Variants in FGF13 observed in about 807,000 individuals in gnomAD.
The protein encoded by FGF13 is fibroblast growth factor 13.
A neutral mutation model predicts 19.5 loss-of-function variants in FGF13; 2 were observed. That is an observed-to-expected ratio of 0.10 (90% CI 0.04 to 0.32). The LOEUF is 0.32. Ranked by LOEUF, FGF13 falls within the 10% of genes least tolerant of loss-of-function variation. FGF13 has a pLI of 1.00. For missense variants in FGF13, 113 were observed against 192.7 expected (o/e 0.59, Z 2.45); for synonymous variants, 72 against 76.9 (o/e 0.94, Z 0.33).
At chrX:138,800,300 C>T (rs2090817750) in intron 3 of FGF13, among the ~76,000 whole-genome samples, 1 of 111,814 alleles carries the variant, frequency 8.9e-6, no homozygotes, top group South Asian at 3.8e-4. Context: ...ATTTGCTTGT[C>T]TGTAAAGGAT....
Position 138,735,944 on chromosome X carries a change from C to T in FGF13, c.28+3298G>A, listed in dbSNP as rs183093496. ...TACTGCATATCCCATGTGGATTTCA[C>T]GTGGGATTTGATTTACATATAATTT... On this transcript the variant is annotated intron_variant, in intron 1 of 4. Transcript: ENST00000305414. 8.9e-5 allele frequency among the ~76,000 whole-genome samples: 10 copies of T among 112,348 alleles called. No individual in the cohort carries two copies. The East Asian group carries it at 2.3e-3, about 25-fold the overall frequency.
chrX:139,067,599 G>A (rs1314806238), intron 1 of FGF13, among the ~76,000 whole-genome samples: 1 of 111,816 alleles, frequency 8.9e-6, no homozygotes, highest in African/African-American at 3.3e-5. Context: ...CCTCTTCAGG[G>A]AGAACTACAA....
At chrX:138,874,468 TTAAC>T (rs1353393059) in intron 1 of FGF13, among the ~76,000 whole-genome samples, 1 of 111,412 alleles carries the variant, frequency 9.0e-6, no homozygotes, top group African/African-American at 3.3e-5. Context: ...TAACACCTGT[TTAAC>T]TGACAGCCTC....
At chrX:138,876,935 A>C (rs1462309413) in intron 1 of FGF13, among the ~76,000 whole-genome samples, 1 of 112,816 alleles carries the variant, frequency 8.9e-6, no homozygotes, top group African/African-American at 3.2e-5. Context: ...ATAGAATCTA[A>C]GTAAAGCAAA....
intron 3 of FGF13, among the ~76,000 whole-genome samples, chrX:138,664,455 T>G (rs1395206271): frequency 1.4e-4 from 16 of 111,023 alleles, no homozygotes; most frequent in African/African-American, 5.2e-4. Context: ...ATTATTTAAG[T>G]GATTTTAGGA....
At chrX:138,897,299 C>T (rs2091509432) in intron 1 of FGF13, among the ~76,000 whole-genome samples, 1 of 111,431 alleles carries the variant, frequency 9.0e-6, no homozygotes, top group Admixed American at 9.5e-5. Flanking sequence ...GGTGAGCCAC[C>T]ACGCCCAGCT....
rs2089070775 is a variant in FGF13 at position 138,627,183 on chromosome X, C to T, written c.*5667G>A. 1 of 111,405 alleles carries T rather than the reference C, an allele frequency of 9.0e-6. No homozygotes were observed. The highest frequency in any genetic ancestry group is 3.3e-5 in the African/African-American group (1 of 30,643). 9.2% of individuals were successfully genotyped at this position (111,405 alleles called of 1,213,427 possible). On this transcript the variant is annotated 3_prime_UTR_variant, in exon 5 of 5. Transcript: ENST00000315930. ...TTTATCTTTGTGTGAATGCTTTATC[C>T]AGGCCTCAGTAATGTGCTGTGAAGC...
At chrX:138,641,601 C>T (rs1034399939) in intron 3 of FGF13, among the ~76,000 whole-genome samples, 1 of 111,470 alleles carries the variant, frequency 9.0e-6, no homozygotes, top group Non-Finnish European at 1.9e-5. Flanking sequence ...TAAATCATGC[C>T]CATAGGGGTG....
chrX:138,881,948 G>A (rs1437811470), intron 1 of FGF13, among the ~76,000 whole-genome samples: 1 of 109,638 alleles, frequency 9.1e-6, no homozygotes, highest in Non-Finnish European at 1.9e-5. Context: ...CTTGCTTTAT[G>A]TCTAGTTAGT....
chrX:138,766,975 G>A (rs2090507302), intron 3 of FGF13, among the ~76,000 whole-genome samples: 1 of 112,139 alleles, frequency 8.9e-6, no homozygotes, highest in African/African-American at 3.2e-5. Flanking sequence ...TTAAATGGTT[G>A]TAGGTGAGGT....
chrX:138,679,191 C>T (rs1259026379), intron 3 of FGF13, among the ~76,000 whole-genome samples: 2 of 111,492 alleles, frequency 1.8e-5, no homozygotes, highest in Non-Finnish European at 3.8e-5. Flanking sequence ...ATCCTCCCAC[C>T]TCAGTTTCCT....
intron 1 of FGF13, among the ~76,000 whole-genome samples, chrX:138,943,224 A>G (rs1227287229): frequency 9.0e-6 from 1 of 111,547 alleles, no homozygotes; most frequent in Non-Finnish European, 1.9e-5. Context: ...TCACTGGCTC[A>G]CTCCCACTGC....
At chrX:138,880,919 A>G (rs990573990) in intron 1 of FGF13, among the ~76,000 whole-genome samples, 2 of 111,420 alleles carry the variant, frequency 1.8e-5, no homozygotes, top group Admixed American at 9.5e-5. Flanking sequence ...GGCCCTTGTA[A>G]TTCCATATTG....
chrX:138,996,532 T>C, intron 1 of FGF13, among the ~76,000 whole-genome samples: 1 of 112,365 alleles, frequency 8.9e-6, no homozygotes, highest in African/African-American at 3.2e-5. Flanking sequence ...TAGGCTTGAG[T>C]AGGCAGTTTT....
intron 1 of FGF13, among the ~76,000 whole-genome samples, chrX:138,981,507 C>T (rs1181929394): frequency 9.0e-6 from 1 of 111,231 alleles, no homozygotes; most frequent in Non-Finnish European, 1.9e-5. Context: ...TACCAACATG[C>T]TAGGAGTGAA....
chrX:139,087,884 A>G (rs2083414492), intron 1 of FGF13, among the ~76,000 whole-genome samples: 1 of 112,029 alleles, frequency 8.9e-6, no homozygotes, highest in South Asian at 3.8e-4. Flanking sequence ...ATCTTTGTAT[A>G]GATTAATTTC....
intron 3 of FGF13, among the ~76,000 whole-genome samples, chrX:138,645,538 A>G (rs2089297621): frequency 8.9e-6 from 1 of 112,225 alleles, no homozygotes; most frequent in Non-Finnish European, 1.9e-5. Context: ...CATGTGCTTC[A>G]TACGGAAGAT....
chrX:138,945,909 AT>A (rs768304420), intron 1 of FGF13, among the ~76,000 whole-genome samples: 7 of 111,070 alleles, frequency 6.3e-5, no homozygotes, highest in African/African-American at 1.6e-4. Context: ...TAACTTTATG[AT>A]TTTTTTTGTC....
At chrX:138,855,961 A>ACT (rs1569412141), downstream of FGF13, among the ~76,000 whole-genome samples, 1 of 87,775 alleles carries the variant, frequency 1.1e-5, no homozygotes, top group Admixed American at 1.2e-4. Context: ...AAGTACAAAA[A>ACT]CTGTGTGTGT....
Sources: allele counts gnomAD v4.1 joint callset (sites outside exome capture counted in the v4.1 genomes callset), GRCh38; gene constraint gnomAD v4.1.1; transcripts MANE v1.5; gene names NCBI Gene and HGNC (gene_info 2026-07-23, HGNC 2026-07-21).